The following FREM3 variants were observed in gnomAD, a reference collection of about 807,000 sequenced individuals.
FREM3 encodes FRAS1-related extracellular matrix protein 3.
A neutral mutation model predicts 129.1 loss-of-function variants in FREM3; 105 were observed. The observed-to-expected ratio is 0.81, with a 90% CI of 0.69 to 0.96. FREM3 has a LOEUF of 0.96. Among genes scored for constraint, FREM3 ranks in the 40% least tolerant of loss-of-function variants. FREM3 has a pLI of 0.00. For synonymous variants in FREM3, 1,014 were observed against 1,044.9 expected (o/e 0.97, Z 0.57); for missense variants, 2,593 against 2,666.3 (o/e 0.97, Z 0.61).
chr4:143,655,070 G>A (rs1214619575), intron 2 of FREM3, among the ~76,000 whole-genome samples: 1 of 152,130 alleles, frequency 6.6e-6, no homozygotes, highest in African/African-American at 2.4e-5. Flanking sequence ...GAGGCATAGG[G>A]GTCAGGGAGG....
At chr4:143,645,257 C>T (rs1207160221) in intron 2 of FREM3, 1 of 152,094 alleles carries the variant, frequency 6.6e-6, no homozygotes, top group East Asian at 1.9e-4. Context: ...TCTACTTAAA[C>T]CTGAGAAAAA....
At chr4:143,676,437 A>G (rs998308915) in intron 2 of FREM3, among the ~76,000 whole-genome samples, 2 of 152,206 alleles carry the variant, frequency 1.3e-5, no homozygotes, top group African/African-American at 4.8e-5. Flanking sequence ...CCAATATCAT[A>G]CTGAATGGGC....
intron 2 of FREM3, among the ~76,000 whole-genome samples, chr4:143,685,080 G>T (rs561373292): frequency 6.6e-6 from 1 of 152,166 alleles, no homozygotes; most frequent in East Asian, 1.9e-4. Flanking sequence ...AAACATTTTT[G>T]GGGGAATAAT....
chr4:143,657,662 A>G (rs967671446), intron 2 of FREM3, among the ~76,000 whole-genome samples: 17 of 152,224 alleles, frequency 1.1e-4, no homozygotes, highest in African/African-American at 3.9e-4. Context: ...TTCCATATAC[A>G]TAATTTTATT....
At chr4:143,675,303 C>T (rs546274782) in intron 2 of FREM3, among the ~76,000 whole-genome samples, 34 of 152,010 alleles carry the variant, frequency 2.2e-4, no homozygotes, top group Middle Eastern at 6.8e-3. Context: ...GGGTACATAA[C>T]GAAATGAAAG....
At chr4:143,633,997 T>C (rs1447728489) in intron 2 of FREM3, among the ~76,000 whole-genome samples, 2 of 152,068 alleles carry the variant, frequency 1.3e-5, no homozygotes, top group Non-Finnish European at 2.9e-5. Flanking sequence ...CTGAGAGTTA[T>C]GGGGACTGTA....
rs368869824 is a variant in FREM3 at position 143,644,408 on chromosome 4, A to G, written c.5276-16648T>C. Among the ~76,000 whole-genome samples, 115 of 152,330 alleles carry G rather than the reference A, an allele frequency of 7.5e-4. 1 individual carries two copies. The highest frequency in any genetic ancestry group is 2.6e-3 in the African/African-American group (107 of 41,568). On this transcript the variant is annotated intron_variant, in intron 2 of 7. Coordinates refer to ENST00000329798, the MANE Select transcript of FREM3 (RefSeq NM_001168235.2). ...AAAATATAAAGAATGAGTATCTAATAATAAGCATCCACGAAGAGATTTCTC... is the reference window on the plus strand; with the variant it reads ...AAAATATAAAGAATGAGTATCTAATGATAAGCATCCACGAAGAGATTTCTC...
intron 5 of FREM3, among the ~76,000 whole-genome samples, chr4:143,614,552 C>T (rs973090714): frequency 5.9e-5 from 9 of 152,076 alleles, no homozygotes; most frequent in Non-Finnish European, 5.9e-5. Flanking sequence ...GGTGGCTTGA[C>T]CAGTGGTAGA....
chr4:143,687,886 ACAAACCCACAGC>A (rs530833048), intron 2 of FREM3, among the ~76,000 whole-genome samples: 1 of 152,324 alleles, frequency 6.6e-6, no homozygotes, highest in African/African-American at 2.4e-5. Flanking sequence ...GCCATCTATG[ACAAACCCACAGC>A]CAATATAATA....
chr4:143,681,175 A>T (rs1160215366), intron 2 of FREM3, among the ~76,000 whole-genome samples: 3 of 152,076 alleles, frequency 2.0e-5, no homozygotes, highest in African/African-American at 7.2e-5. Context: ...GAAGGAATTG[A>T]CTTGGTTCCT....
chr4:143,667,647 G>A (rs565436084), intron 2 of FREM3, among the ~76,000 whole-genome samples: 2 of 152,266 alleles, frequency 1.3e-5, no homozygotes, highest in African/African-American at 4.8e-5. Flanking sequence ...TTTTTCAGTT[G>A]AGTAACTCAA....
chr4:143,688,740 T>A (rs1445098172), intron 2 of FREM3, among the ~76,000 whole-genome samples: 1 of 152,124 alleles, frequency 6.6e-6, no homozygotes, highest in Non-Finnish European at 1.5e-5. Flanking sequence ...AGTCAACTGA[T>A]CTTCGACAAG....
At chr4:143,590,554 A>G (rs1205258834) in intron 6 of FREM3, among the ~76,000 whole-genome samples, 1 of 152,116 alleles carries the variant, frequency 6.6e-6, no homozygotes, top group African/African-American at 2.4e-5. Context: ...TGATTTTTGT[A>G]TGTTGAACCA....
intron 2 of FREM3, among the ~76,000 whole-genome samples, chr4:143,683,648 G>A (rs918988305): frequency 4.6e-5 from 7 of 152,220 alleles, no homozygotes; most frequent in African/African-American, 1.7e-4. Context: ...TTTGAACGGG[G>A]TGAGAAGCCT....
intron 6 of FREM3, among the ~76,000 whole-genome samples, chr4:143,597,176 G>A (rs1359259757): frequency 1.3e-5 from 2 of 152,074 alleles, no homozygotes; most frequent in African/African-American, 2.4e-5. Context: ...GCAAAAAATC[G>A]TTGGCGAGAG....
intron 2 of FREM3, among the ~76,000 whole-genome samples, chr4:143,690,547 C>T (rs1740446678): frequency 6.6e-6 from 1 of 152,110 alleles, no homozygotes; most frequent in South Asian, 2.1e-4. Context: ...TCTCCTTCAG[C>T]CCGATGGTGA....
chr4:143,585,378 A>G lies in FREM3; in HGVS notation c.6178+466T>C, dbSNP rs1329337237. Among the ~76,000 whole-genome samples the G allele has an allele frequency of 2.6e-5, 4 of 152,178 alleles. No homozygotes were observed. The highest frequency in any genetic ancestry group is 9.7e-5 in the African/African-American group (4 of 41,436). On this transcript the variant is annotated intron_variant, in intron 7 of 7. Transcript: ENST00000329798. The surrounding 1 kb of genome is among the most constrained non-coding windows in gnomAD (Gnocchi z 4.2). ...GCTGTCAGCTAGGCCTTGATCATCCATGTCAGGAAATGCAAAGGTGAGCAG... is the reference window on the plus strand; with the variant it reads ...GCTGTCAGCTAGGCCTTGATCATCCGTGTCAGGAAATGCAAAGGTGAGCAG...
chr4:143,664,718 C>T (rs1413607691), intron 2 of FREM3, among the ~76,000 whole-genome samples: 1 of 152,150 alleles, frequency 6.6e-6, no homozygotes, highest in African/African-American at 2.4e-5. Flanking sequence ...AGGCAGGCCT[C>T]CTTGAGCTGT....
At chr4:143,651,303 G>A (rs748986547) in intron 2 of FREM3, among the ~76,000 whole-genome samples, 1 of 152,280 alleles carries the variant, frequency 6.6e-6, no homozygotes, top group South Asian at 2.1e-4. Flanking sequence ...TCTTTTCAGC[G>A]TTTGGCTTGC....
Sources: gnomAD v4.1 joint callset for allele counts (sites outside exome capture counted in the v4.1 genomes callset) on GRCh38, gnomAD v4.1.1 for gene constraint, Gnocchi (gnomAD v3.1) non-coding constraint, MANE v1.5 for transcripts, NCBI Gene and HGNC (gene_info 2026-07-23, HGNC 2026-07-21) for gene names.